The following SLC24A2 variants were observed in gnomAD, a reference collection of about 807,000 sequenced individuals.
SLC24A2 encodes the protein solute carrier family 24 member 2, also known as sodium/potassium/calcium exchanger 2.
A neutral mutation model predicts 62.0 loss-of-function variants in SLC24A2; 36 were observed. That is an observed-to-expected ratio of 0.58 (90% CI 0.44 to 0.77). SLC24A2 has a LOEUF of 0.77. Among genes scored for constraint, SLC24A2 ranks in the 30% least tolerant of loss-of-function variants. The probability of loss-of-function intolerance (pLI) is 0.00; values close to 1 mark genes in which losing one functional copy is unlikely to be tolerated. For synonymous variants in SLC24A2, 358 were observed against 294.0 expected (o/e 1.22, Z -2.23); for missense variants, 846 against 817.9 (o/e 1.03, Z -0.42).
intron 2 of SLC24A2, among the ~76,000 whole-genome samples, chr9:19,680,699 A>C (rs567077265): frequency 6.6e-6 from 1 of 152,000 alleles, no homozygotes; most frequent in Admixed American, 6.6e-5. Flanking sequence ...ACTCAGATTT[A>C]CTTATTTTAA....
chr9:19,535,395 G>A (rs1833912075), intron 8 of SLC24A2, among the ~76,000 whole-genome samples: 1 of 152,098 alleles, frequency 6.6e-6, no homozygotes, highest in Non-Finnish European at 1.5e-5. Context: ...TGTTGCCATT[G>A]CTTTTCGTGT....
the SLC24A2 span, among the ~76,000 whole-genome samples, chr9:20,125,130 A>C: frequency 6.6e-6 from 1 of 152,328 alleles, no homozygotes; most frequent in South Asian, 2.1e-4. Context: ...TCCTTTAAAA[A>C]GATTAGTACA....
At chr9:20,169,146 G>T in the SLC24A2 span, among the ~76,000 whole-genome samples, 3 of 152,120 alleles carry the variant, frequency 2.0e-5, no homozygotes, top group East Asian at 5.8e-4. Context: ...ATGTAGAATA[G>T]GCAAATTCAT....
the SLC24A2 span, among the ~76,000 whole-genome samples, chr9:19,839,318 T>G: frequency 6.6e-6 from 1 of 152,250 alleles, no homozygotes; most frequent in East Asian, 1.9e-4. Context: ...TTAACCATTG[T>G]GGAAGTCAGT....
At chr9:19,987,330 C>G in the SLC24A2 span, among the ~76,000 whole-genome samples, 1 of 152,168 alleles carries the variant, frequency 6.6e-6, no homozygotes, top group Non-Finnish European at 1.5e-5. Flanking sequence ...TAGCAAAATT[C>G]TCTTCTGAAT....
intron 2 of SLC24A2, among the ~76,000 whole-genome samples, chr9:19,678,277 T>C (rs1438063987): frequency 6.6e-6 from 1 of 152,226 alleles, no homozygotes; most frequent in African/African-American, 2.4e-5. Context: ...AACAATCTAG[T>C]TTGTGTAGCA....
chr9:19,717,812 G>A (rs1339613629), intron 2 of SLC24A2, among the ~76,000 whole-genome samples: 1 of 151,986 alleles, frequency 6.6e-6, no homozygotes, highest in Non-Finnish European at 1.5e-5. Flanking sequence ...TACTGGAGTA[G>A]GCTTTTCCAT....
At chr9:19,835,824 A>C in the SLC24A2 span, among the ~76,000 whole-genome samples, 2 of 152,230 alleles carry the variant, frequency 1.3e-5, no homozygotes, top group Non-Finnish European at 2.9e-5. Flanking sequence ...ACATAGTTGG[A>C]AGTAAAGCAC....
At chr9:19,738,003 A>T (rs1821560204) in intron 2 of SLC24A2, among the ~76,000 whole-genome samples, 1 of 152,198 alleles carries the variant, frequency 6.6e-6, no homozygotes, top group Admixed American at 6.6e-5. Context: ...ATACACAATT[A>T]CTCAAAAAAT....
the SLC24A2 span, among the ~76,000 whole-genome samples, chr9:20,260,294 T>G: frequency 6.6e-6 from 1 of 152,310 alleles, no homozygotes; most frequent in South Asian, 2.1e-4. Flanking sequence ...CTTCAAAGAC[T>G]CTAGAACTTG....
intron 8 of SLC24A2, among the ~76,000 whole-genome samples, chr9:19,548,707 G>T (rs2132739045): frequency 1.3e-5 from 2 of 152,258 alleles, no homozygotes; most frequent in South Asian, 4.2e-4. Flanking sequence ...ACAAGAAAAT[G>T]GAGCTGTCCA....
At chr9:19,841,709 G>T in the SLC24A2 span, among the ~76,000 whole-genome samples, 2 of 152,200 alleles carry the variant, frequency 1.3e-5, no homozygotes, top group African/African-American at 4.8e-5. Context: ...GAAGTCTGGG[G>T]AAGAGGTATA....
the SLC24A2 span, among the ~76,000 whole-genome samples, chr9:20,004,133 C>T: frequency 1.6e-3 from 237 of 152,154 alleles, 1 homozygote; most frequent in Middle Eastern, 0.02. Flanking sequence ...AGACACAGAC[C>T]CCTTCTAATG....
chr9:19,532,353 C>G (rs1350428746), intron 8 of SLC24A2, among the ~76,000 whole-genome samples: 3 of 152,162 alleles, frequency 2.0e-5, no homozygotes, highest in Admixed American at 1.3e-4. Flanking sequence ...GCCTCGGCTT[C>G]CCAAAGTGCT....
At chr9:20,165,156 T>C in the SLC24A2 span, among the ~76,000 whole-genome samples, 1 of 151,634 alleles carries the variant, frequency 6.6e-6, no homozygotes, top group Non-Finnish European at 1.5e-5. Flanking sequence ...AAGAAAGATA[T>C]GAAAATAACA....
chr9:20,151,304 A>G, the SLC24A2 span, among the ~76,000 whole-genome samples: 1 of 152,054 alleles, frequency 6.6e-6, no homozygotes, highest in Middle Eastern at 3.4e-3. Flanking sequence ...AGGATTTTAT[A>G]GATCTTTTAA....
At chr9:19,959,207 G>T in the SLC24A2 span, among the ~76,000 whole-genome samples, 10 of 152,128 alleles carry the variant, frequency 6.6e-5, no homozygotes, top group African/African-American at 2.2e-4. Flanking sequence ...AGAAAAAGAG[G>T]GACCTGGGAA....
the SLC24A2 span, among the ~76,000 whole-genome samples, chr9:19,873,489 TTCTC>T: frequency 7.4e-6 from 1 of 134,396 alleles, no homozygotes; most frequent in East Asian, 2.3e-4. Flanking sequence ...CCTTCCTTCC[TTCTC>T]TTTCTTTCTT....
At chr9:19,610,471 G>C (rs1405883110) in intron 4 of SLC24A2, among the ~76,000 whole-genome samples, 1 of 152,152 alleles carries the variant, frequency 6.6e-6, no homozygotes, top group Non-Finnish European at 1.5e-5. Flanking sequence ...GTGTATTAAA[G>C]AGAAGAAAAT....
Sources: allele counts gnomAD v4.1 joint callset (sites outside exome capture counted in the v4.1 genomes callset), GRCh38; gene constraint gnomAD v4.1.1; transcripts MANE v1.5; gene names NCBI Gene and HGNC (gene_info 2026-07-23, HGNC 2026-07-21).